The following RELN variants were observed in gnomAD, a reference collection of about 807,000 sequenced individuals.
The protein encoded by RELN is reelin.
A neutral mutation model predicts 427.6 loss-of-function variants in RELN; 108 were observed. The ratio of observed to expected loss-of-function variants is 0.25; its 90% CI spans 0.22 to 0.30. The LOEUF is 0.30. Among genes scored for constraint, RELN ranks in the 10% least tolerant of loss-of-function variants. The pLI, the probability that RELN is intolerant of heterozygous loss-of-function variation, is 1.00. For synonymous variants in RELN, 1,524 were observed against 1,513.4 expected, an observed-to-expected ratio of 1.01 and a Z score of -0.16; for missense variants, 3,715 against 4,302.8, an observed-to-expected ratio of 0.86 and a Z score of 3.82.
intron 59 of RELN, 111 bp from the exon 60 acceptor site, chr7:103,490,010 A>G (rs892603906): frequency 4.8e-5 from 62 of 1,288,052 alleles, no homozygotes; most frequent in African/African-American, 1.3e-4. Context: ...GGGCTTCCCA[A>G]ATGTCTTCCT....
intron 6 of RELN, among the ~76,000 whole-genome samples, chr7:103,745,833 C>T (rs1790808812): frequency 6.6e-6 from 1 of 152,086 alleles, no homozygotes; most frequent in African/African-American, 2.4e-5. Context: ...TGAAAATGGC[C>T]ATACTGCCCA....
Position 103,548,061 on chromosome 7 carries a change from C to G in RELN, c.6303-2717G>C, listed in dbSNP as rs362768. 3.1e-3 allele frequency among the ~76,000 whole-genome samples: 475 copies of G among 152,292 alleles called. 12 individuals carry two copies. The highest frequency in any genetic ancestry group is 0.03 in the Admixed American group (455 of 15,298). ...AATTTCAAGCACACAACATTGCTTT[C>G]ATTAAATAGGGGTTTTGGTTGACTC... On this transcript the variant is annotated intron_variant, in intron 41 of 64. Coordinates refer to ENST00000428762, the MANE Select transcript of RELN (RefSeq NM_005045.4).
chr7:103,718,328 GCAGC>G (rs1415040749), intron 8 of RELN, among the ~76,000 whole-genome samples: 20 of 72,778 alleles, frequency 2.7e-4, no homozygotes, highest in African/African-American at 1.1e-3. Context: ...CAAAAACAAA[GCAGC>G]AAAAAAAAAA....
At chr7:103,798,776 TTTTAGGTACA>T (rs1792373235) in intron 3 of RELN, among the ~76,000 whole-genome samples, 1 of 152,194 alleles carries the variant, frequency 6.6e-6, no homozygotes, top group Admixed American at 6.5e-5. Flanking sequence ...CCAGGCTCTA[TTTTAGGTACA>T]GGAGATAAAG....
At chr7:103,742,859 CT>C (rs1339273473) in intron 6 of RELN, among the ~76,000 whole-genome samples, 2 of 152,162 alleles carry the variant, frequency 1.3e-5, no homozygotes, top group African/African-American at 4.8e-5. Context: ...TCCAGGAGAA[CT>C]TCCCCAATCT....
intron 1 of RELN, among the ~76,000 whole-genome samples, chr7:103,954,851 A>G (rs1241959848): frequency 6.6e-6 from 1 of 152,230 alleles, no homozygotes; most frequent in Non-Finnish European, 1.5e-5. Context: ...CAGAAGTAAA[A>G]GTTTCCATTT....
In RELN at chr7:103,594,311, A is replaced by G. The variant is rs992902436; in HGVS notation, c.3711+10T>C. 6.2e-7 allele frequency: 1 copy of G among 1,610,970 alleles called. No homozygotes were observed. Among genetic ancestry groups the G allele is most frequent in the Admixed American group, 1.7e-5 (1 of 60,004 alleles). On this transcript the variant is annotated intron_variant, in intron 26 of 64. Coordinates refer to ENST00000428762, the MANE Select transcript of RELN (RefSeq NM_005045.4). ...ATCTGTCTTCTTGGAGTTCAGACAT[A>G]GGAGAATACCTGAGGTAAAGTTGGA...
rs779634820 is a variant in RELN, at chr7:103,500,733, C to T, written c.8667+12G>A. On this transcript the variant is annotated intron_variant, in intron 53 of 64. Transcript: ENST00000428762. ...TGTGAGTAATGCGTCTTGTCCAGGGCTTTACCCTTACCTTCAGAGTGTGGG... is the reference window on the plus strand; with the variant it reads ...TGTGAGTAATGCGTCTTGTCCAGGGTTTTACCCTTACCTTCAGAGTGTGGG... 6.2e-7 allele frequency: 1 copy of T among 1,613,502 alleles called. No homozygotes were observed. Among genetic ancestry groups the T allele is most frequent in the South Asian group, 1.1e-5 (1 of 91,030 alleles).
At chr7:103,718,332 C>CAA (rs11300111) in intron 8 of RELN, among the ~76,000 whole-genome samples, 33 of 131,016 alleles carry the variant, frequency 2.5e-4, no homozygotes, top group Admixed American at 1.6e-3. Flanking sequence ...AACAAAGCAG[C>CAA]AAAAAAAAAA....
chr7:103,611,849 A>G lies in RELN; in HGVS notation c.2703-46T>C, dbSNP rs1330397976. On this transcript the variant is annotated intron_variant, in intron 20 of 64. Coordinates refer to ENST00000428762, the MANE Select transcript of RELN (RefSeq NM_005045.4). ...AATCAGAAAATTCTAAACACAATGTATTAGAGAAAAATTAAAGTCTTCACT... is the reference window on the plus strand; with the variant it reads ...AATCAGAAAATTCTAAACACAATGTGTTAGAGAAAAATTAAAGTCTTCACT... 4.0e-6 allele frequency: 6 copies of G among 1,483,504 alleles called. No homozygotes were observed. In the Admixed American group the frequency reaches 6.7e-5, roughly 17 times the overall value. The allele number at this position is 1,483,504 out of a possible 1,614,324, so 91.9% of individuals were successfully genotyped here.
intron 1 of RELN, among the ~76,000 whole-genome samples, chr7:103,984,812 C>G (rs1231196803): frequency 6.6e-6 from 1 of 152,148 alleles, no homozygotes; most frequent in Non-Finnish European, 1.5e-5. Flanking sequence ...TAACCGATCA[C>G]CTGATCAGCA....
At chr7:103,913,109 G>T (rs1795406328) in intron 2 of RELN, among the ~76,000 whole-genome samples, 1 of 152,112 alleles carries the variant, frequency 6.6e-6, no homozygotes, top group South Asian at 2.1e-4. Flanking sequence ...TTTTTGGTCA[G>T]TGAGGCATGC....
At chr7:103,585,432 T>A (rs993865774) in intron 28 of RELN, among the ~76,000 whole-genome samples, 1 of 152,076 alleles carries the variant, frequency 6.6e-6, no homozygotes, top group Non-Finnish European at 1.5e-5. Context: ...CATCTCTATG[T>A]ATACAAACTA....
At chr7:103,540,560 T>A in intron 43 of RELN, 105 bp from the exon 44 acceptor site, 1 of 1,001,326 alleles carries the variant, frequency 1.0e-6, no homozygotes, top group Non-Finnish European at 1.5e-6. Flanking sequence ...AAGGCCTCAA[T>A]AAATATGGCG....
In RELN at chr7:103,483,820, G is replaced by T; in HGVS notation, c.10014C>A (p.Ser3338Arg). The stretch of plus-strand genomic sequence containing the variant: ...TGTTGCAGCTGTCCGTCTGCGACAT[G>T]CTCCCAATTTGCAAAACAAACATGA... ...SKIMFVLQIG[S>R]MSQTDSCNSD... The change falls in exon 62 of 65, where the codon AGC becomes AGA. Residue 3338 changes from serine to arginine, a missense_variant. This residue lies in a region of RELN where 195 missense variants were observed against 281.3 expected (regional missense o/e 0.69). Coordinates refer to ENST00000428762, the MANE Select transcript of RELN (RefSeq NM_005045.4). 1 of 1,613,996 alleles carries T rather than the reference G, an allele frequency of 6.2e-7. No individual in the cohort carries two copies. The highest frequency in any genetic ancestry group is 1.1e-5 in the South Asian group (1 of 91,082).
At chr7:103,731,473 C>T (rs187978726) in intron 6 of RELN, among the ~76,000 whole-genome samples, 328 of 151,806 alleles carry the variant, frequency 2.2e-3, no homozygotes, top group Non-Finnish European at 3.3e-3. Flanking sequence ...TTAATTGATA[C>T]CAAATCCTCT....
At chr7:103,943,221 C>T (rs1474476709) in intron 1 of RELN, among the ~76,000 whole-genome samples, 3 of 152,100 alleles carry the variant, frequency 2.0e-5, no homozygotes, top group African/African-American at 7.2e-5. Context: ...CAAGTTTAGC[C>T]TTGGTCATAG....
At chr7:103,673,129 T>C (rs1833431383) in intron 11 of RELN, among the ~76,000 whole-genome samples, 1 of 152,136 alleles carries the variant, frequency 6.6e-6, no homozygotes, top group Non-Finnish European at 1.5e-5. Context: ...ATTACTGGTA[T>C]GTTTGAATTG....
chr7:103,521,938 G>T (rs1392604110), intron 48 of RELN, 84 bp downstream of exon 48: 3 of 1,365,974 alleles, frequency 2.2e-6, no homozygotes, highest in East Asian at 4.6e-5. Flanking sequence ...ATCTTGATTT[G>T]CCCATTAAAC....
Sources: gnomAD v4.1 joint callset for allele counts (sites outside exome capture counted in the v4.1 genomes callset) on GRCh38, gnomAD v4.1.1 for gene constraint, gnomAD v4.1.1 regional missense constraint, MANE v1.5 for transcripts, NCBI Gene and HGNC (gene_info 2026-07-23, HGNC 2026-07-21) for gene names.